The following XKRX variants were observed in gnomAD, a reference collection of about 807,000 sequenced individuals.
XKRX encodes XK-related protein 2.
Under a neutral mutation model 22.4 loss-of-function variants are expected in XKRX, and 11 were observed. The ratio of observed to expected loss-of-function variants is 0.49; its 90% CI spans 0.31 to 0.81. The LOEUF (loss-of-function observed/expected upper bound fraction) is 0.81. XKRX is among the 40% of genes least tolerant of loss of function. The pLI is 0.05. For synonymous variants in XKRX, 114 were observed against 132.2 expected (o/e 0.86, Z 0.94); for missense variants, 320 against 336.5 (o/e 0.95, Z 0.38).
At chrX:100,930,635 G>T (rs924714241), upstream of XKRX, among the ~76,000 whole-genome samples, 4 of 111,014 alleles carry the variant, frequency 3.6e-5, no homozygotes, top group Admixed American at 9.6e-5. Context: ...TCATGAAGGA[G>T]GTCAACACTA....
chrX:100,904,167 A>AAAT, the XKRX span, among the ~76,000 whole-genome samples: 1 of 111,969 alleles, frequency 8.9e-6, no homozygotes, highest in Non-Finnish European at 1.9e-5. Flanking sequence ...GATAGCCCAG[A>AAAT]AATAGACTCA....
the XKRX span, among the ~76,000 whole-genome samples, chrX:100,903,433 T>C: frequency 1.8e-5 from 2 of 112,319 alleles, no homozygotes; most frequent in African/African-American, 6.5e-5. Context: ...CTTTCCTATA[T>C]ACCAGCAATG....
intron 2 of XKRX, among the ~76,000 whole-genome samples, chrX:100,918,249 C>T (rs2085455116): frequency 8.9e-6 from 1 of 111,753 alleles, no homozygotes; most frequent in Admixed American, 9.5e-5. Context: ...GGAAGCACAG[C>T]TCTGAGTTCT....
Position 100,928,021 on chromosome X carries a change from T to C in XKRX, c.284A>G (p.Asp95Gly). The C allele has an allele frequency of 8.3e-7, 1 of 1,209,882 alleles. No individual in the cohort carries two copies. Among genetic ancestry groups the C allele is most frequent in the Non-Finnish European group, 1.1e-6 (1 of 894,881 alleles). ...LIFVHRDLAK[D>G]KPLSLFMHLI... ...ATGCATAAATAATGATAGCGGTTTA[T>C]CTTTGGCTAGATCTCTGTGGACAAA... The change falls in exon 1 of 3, where the codon GAT (aspartate) becomes GGT (glycine). Residue 95 changes from aspartate (D) to glycine (G), a missense_variant. Transcript: ENST00000372956.
At chrX:100,912,358 TC>T (rs2085409938), downstream of XKRX, among the ~76,000 whole-genome samples, 1 of 75,232 alleles carries the variant, frequency 1.3e-5, no homozygotes, top group Non-Finnish European at 2.5e-5. Flanking sequence ...CCAAAGCAAG[TC>T]CATACAGTCT....
chrX:100,953,217 G>A, the XKRX span, among the ~76,000 whole-genome samples: 9 of 111,592 alleles, frequency 8.1e-5, no homozygotes, highest in African/African-American at 2.3e-4. Flanking sequence ...GAGCCCAGGC[G>A]TTCAAGGCTG....
the XKRX span, among the ~76,000 whole-genome samples, chrX:100,903,028 C>T: frequency 9.2e-6 from 1 of 108,348 alleles, no homozygotes; most frequent in South Asian, 4.0e-4. Flanking sequence ...GGATTACAGT[C>T]GTGAGCCACC....
chrX:100,934,609 A>C, the XKRX span, among the ~76,000 whole-genome samples: 1 of 111,806 alleles, frequency 8.9e-6, no homozygotes, highest in Non-Finnish European at 1.9e-5. Flanking sequence ...TGACCAAACA[A>C]CTGGGCACAA....
intron 2 of XKRX, among the ~76,000 whole-genome samples, chrX:100,921,780 C>A (rs985468513): frequency 9.5e-6 from 1 of 104,899 alleles, no homozygotes; most frequent in East Asian, 3.0e-4. Context: ...CAGTGAAGGT[C>A]AGAACTTGGT....
downstream of XKRX, chrX:100,910,597 A>G (rs2085403646): frequency 1.7e-5 from 4 of 230,927 alleles, no homozygotes; most frequent in African/African-American, 1.2e-4. Flanking sequence ...AAAAAAAAAA[A>G]AAAAAGATTT....
upstream of XKRX, among the ~76,000 whole-genome samples, chrX:100,931,807 G>T (rs899310157): frequency 1.8e-5 from 2 of 110,780 alleles, no homozygotes; most frequent in African/African-American, 6.6e-5. Context: ...ATCTCTAAAA[G>T]CTGTGGCCAC....
At chrX:100,905,811 T>C in the XKRX span, among the ~76,000 whole-genome samples, 1 of 112,224 alleles carries the variant, frequency 8.9e-6, no homozygotes, top group Admixed American at 9.5e-5. Context: ...AGGTATTTTA[T>C]ATATAGTCAG....
chrX:100,938,961 T>A, the XKRX span, among the ~76,000 whole-genome samples: 1 of 112,120 alleles, frequency 8.9e-6, no homozygotes, highest in Non-Finnish European at 1.9e-5. Context: ...ACATCTGCAG[T>A]AATTATGAAA....
the XKRX span, among the ~76,000 whole-genome samples, chrX:100,944,797 G>A: frequency 8.9e-6 from 1 of 111,935 alleles, no homozygotes; most frequent in Non-Finnish European, 1.9e-5. Context: ...GTGACCTGAG[G>A]CCAAGCTCTC....
chrX:100,935,097 G>A, the XKRX span, among the ~76,000 whole-genome samples: 1 of 112,133 alleles, frequency 8.9e-6, no homozygotes, highest in East Asian at 2.8e-4. Flanking sequence ...ATATAGCATT[G>A]TGGGGCATTC....
chrX:100,931,161 A>T (rs2085520617), upstream of XKRX, among the ~76,000 whole-genome samples: 1 of 109,789 alleles, frequency 9.1e-6, no homozygotes, highest in African/African-American at 3.3e-5. Flanking sequence ...AATAAAAAAA[A>T]AAAAAAACAT....
upstream of XKRX, chrX:100,928,949 G>A: frequency 1.8e-6 from 1 of 556,783 alleles, no homozygotes; most frequent in Non-Finnish European, 2.2e-6. Context: ...TAGCTCCTCG[G>A]ATTCCCCCAA....
At chrX:100,896,927 A>G in the XKRX span, among the ~76,000 whole-genome samples, 1 of 112,047 alleles carries the variant, frequency 8.9e-6, no homozygotes, top group African/African-American at 3.2e-5. Context: ...AATGAACTTC[A>G]CTGTTTATCA....
chrX:100,919,778 C>T (rs1312079656), intron 2 of XKRX, among the ~76,000 whole-genome samples: 1 of 111,738 alleles, frequency 8.9e-6, no homozygotes, highest in African/African-American at 3.2e-5. Context: ...GAAACAGGCA[C>T]ATTTGTATAC....
Sources: gnomAD v4.1 joint callset for allele counts (sites outside exome capture counted in the v4.1 genomes callset) on GRCh38, gnomAD v4.1.1 for gene constraint, MANE v1.5 for transcripts, NCBI Gene and HGNC (gene_info 2026-07-23, HGNC 2026-07-21) for gene names.